Variants in CFAP99 observed in about 807,000 individuals in gnomAD.
The protein encoded by CFAP99 is cilia- and flagella-associated protein 99.
CFAP99 carries 84 observed loss-of-function variants against 82.7 expected under a neutral mutation model. The observed-to-expected ratio is 1.02, with a 90% CI of 0.85 to 1.22. The LOEUF (loss-of-function observed/expected upper bound fraction) is 1.22, where lower values mean the gene tolerates loss of function less well. Among genes scored for constraint, CFAP99 ranks in the 50% most tolerant of loss-of-function variants. The probability of loss-of-function intolerance (pLI) is 0.00; values close to 1 mark genes in which losing one functional copy is unlikely to be tolerated. For synonymous variants in CFAP99, 456 were observed against 429.5 expected (o/e 1.06, Z -0.76); for missense variants, 1,059 against 983.5 (o/e 1.08, Z -1.03).
At chr4:2,438,865 C>T (rs903166498) in intron 4 of CFAP99, among the ~76,000 whole-genome samples, 9 of 152,188 alleles carry the variant, frequency 5.9e-5, no homozygotes, top group East Asian at 3.8e-4. Context: ...AATCCGATTC[C>T]GCTCCTGGGG....
intron 2 of CFAP99, among the ~76,000 whole-genome samples, chr4:2,433,271 C>A (rs1235872520): frequency 6.6e-6 from 1 of 152,230 alleles, no homozygotes; most frequent in East Asian, 1.9e-4. Flanking sequence ...TGATGAGAAG[C>A]GGAGTCGCCG....
At position 2,459,096 on chromosome 4, in the gene CFAP99, TG is replaced by T. The variant is rs1328275582; in HGVS notation, c.1304-9del. The T allele has an allele frequency of 1.3e-6, 2 of 1,503,198 alleles. No individual in the cohort carries two copies. 93.1% of individuals were successfully genotyped at this position (1,503,198 alleles called of 1,614,324 possible). On this transcript the variant is annotated splice_polypyrimidine_tract_variant and intron_variant, in intron 12 of 14. Coordinates refer to ENST00000635017, the Ensembl canonical transcript of CFAP99. Reference sequence around the variant, plus strand: ...CCACCAGCCACCTCAGCTCCTGGCTTGGCCCCCAAGTTCAGGAGGCGATCGA... The same window carrying T: ...CCACCAGCCACCTCAGCTCCTGGCTTGCCCCCAAGTTCAGGAGGCGATCGA...
At chr4:2,438,625 C>T (rs889233484) in intron 4 of CFAP99, among the ~76,000 whole-genome samples, 1 of 152,100 alleles carries the variant, frequency 6.6e-6, no homozygotes, top group East Asian at 1.9e-4. Context: ...AAGTAGCAAG[C>T]TGGGCATGGT....
exon 13 of CFAP99, chr4:2,459,190 C>G: frequency 6.5e-7 from 1 of 1,535,710 alleles, no homozygotes; most frequent in South Asian, 1.2e-5. Flanking sequence ...CCGTTGTGAA[C>G]TCATCTCCCA....
At chr4:2,451,110 T>G (rs1734289591) in intron 9 of CFAP99, 92 bp downstream of exon 9, 2 of 1,455,120 alleles carry the variant, frequency 1.4e-6, no homozygotes, top group Non-Finnish European at 1.9e-6. Flanking sequence ...TGACCTGAGC[T>G]GGGGGACCTA....
In CFAP99 at chr4:2,437,020, T is replaced by G. The variant is rs1578469695; in HGVS notation, c.256+2T>G. ...GGGTTGACCACAGCCGCTTCGAGGG[T>G]AGGTGCCTGGCTGGTCCCCAGGGCC... On this transcript the variant is annotated splice_donor_variant, in intron 3 of 14. Coordinates refer to ENST00000635017, the Ensembl canonical transcript of CFAP99. LOFTEE classifies it high-confidence loss of function. The G allele has an allele frequency of 6.5e-7, 1 of 1,535,896 alleles. No individual in the cohort carries two copies. The highest frequency in any genetic ancestry group is 8.7e-7 in the Non-Finnish European group (1 of 1,146,790).
chr4:2,431,775 G>C (rs955052749), intron 2 of CFAP99, among the ~76,000 whole-genome samples: 1 of 151,776 alleles, frequency 6.6e-6, no homozygotes. Context: ...CCCTCACCTA[G>C]GTTGCAGTAC....
intron 11 of CFAP99, among the ~76,000 whole-genome samples, chr4:2,455,166 C>T (rs1011313901): frequency 1.3e-5 from 2 of 152,264 alleles, no homozygotes; most frequent in South Asian, 4.1e-4. Context: ...TCCCAAAATA[C>T]TGGGATTACG....
chr4:2,458,776 C>T (rs1222668396), exon 12 of CFAP99: 5 of 1,535,890 alleles, frequency 3.3e-6, no homozygotes, highest in Non-Finnish European at 4.4e-6. Context: ...AGGACAGGTC[C>T]AGGAAGGAGC....
chr4:2,430,853 G>T lies in CFAP99; in HGVS notation c.111+4267G>T, dbSNP rs545513486. Reference sequence around the variant, plus strand: ...GTTGGGAGGCTGAGGTAGGAGGATTGCTTGAGGCCAGGAGTTTGAGACCAG... The same window carrying T: ...GTTGGGAGGCTGAGGTAGGAGGATTTCTTGAGGCCAGGAGTTTGAGACCAG... On this transcript the variant is annotated intron_variant, in intron 2 of 14. Transcript: ENST00000635017. Among the ~76,000 whole-genome samples, 113 of 151,636 alleles carry T rather than the reference G, an allele frequency of 7.5e-4. 2 individuals are homozygous for T. Among genetic ancestry groups the T allele is most frequent in the African/African-American group, 2.6e-3 (109 of 41,332 alleles).
rs1477809418 is a variant in CFAP99, at chr4:2,446,075, T to C, written c.642+767T>C. Reference sequence around the variant, plus strand: ...GTGGTTCTGCAACAGGACTAAGGGCTATATGGGAGGGGAAGGGGATGGTGC... The same window carrying C: ...GTGGTTCTGCAACAGGACTAAGGGCCATATGGGAGGGGAAGGGGATGGTGC... On this transcript the variant is annotated intron_variant, in intron 6 of 14. Coordinates refer to ENST00000635017, the Ensembl canonical transcript of CFAP99. The surrounding 1 kb of genome is among the most constrained non-coding windows in gnomAD (Gnocchi z 5.0). Among the ~76,000 whole-genome samples the C allele has an allele frequency of 6.6e-6, 1 of 152,202 alleles. No individual in the cohort carries two copies. The highest frequency in any genetic ancestry group is 1.5e-5 in the Non-Finnish European group (1 of 68,034).
intron 4 of CFAP99, among the ~76,000 whole-genome samples, chr4:2,440,826 C>G (rs1734020295): frequency 6.6e-6 from 1 of 151,816 alleles, no homozygotes; most frequent in Non-Finnish European, 1.5e-5. Flanking sequence ...GATCTCCTGA[C>G]CTTGTGATCC....
At chr4:2,428,278 G>A (rs529440869) in intron 2 of CFAP99, 27 of 152,392 alleles carry the variant, frequency 1.8e-4, no homozygotes, top group Non-Finnish European at 3.1e-4. Flanking sequence ...CCTGTAGCCC[G>A]GCCCCTCTGG....
In CFAP99 at chr4:2,462,374, G is replaced by A; in HGVS notation, c.1662-69G>A. The A allele has an allele frequency of 7.4e-7, 1 of 1,347,858 alleles. No individual in the cohort carries two copies. The highest frequency in any genetic ancestry group is 4.0e-5 in the Admixed American group (1 of 24,928). 83.5% of individuals were successfully genotyped at this position (1,347,858 alleles called of 1,614,324 possible). ...CCTTGCCCCCGCGTCGCTTGGACAC[G>A]GGTGGCATCCTGGGTCTGGCCTGGG... On this transcript the variant is annotated intron_variant, in intron 14 of 14. Coordinates refer to ENST00000635017, the Ensembl canonical transcript of CFAP99. This position sits in a 1 kb window ranked among gnomAD's most constrained non-coding sequence, Gnocchi z 4.1.
At chr4:2,440,436 G>C (rs1237754005) in intron 4 of CFAP99, among the ~76,000 whole-genome samples, 1 of 149,828 alleles carries the variant, frequency 6.7e-6, no homozygotes, top group Non-Finnish European at 1.5e-5. Context: ...GTGAGCCACC[G>C]CGCCCGGCCG....
At chr4:2,426,314 C>A (rs550262343) in intron 1 of CFAP99, 145 bp from the exon 2 acceptor site, 90,923 of 627,200 alleles carry the variant, frequency 0.14, 7,332 homozygotes, top group African/African-American at 0.24. Flanking sequence ...GCTGTAGGCC[C>A]GGCACCCTAG....
intron 12 of CFAP99, 67 bp downstream of exon 12, chr4:2,458,931 C>G: frequency 4.0e-6 from 6 of 1,488,926 alleles, no homozygotes; most frequent in Non-Finnish European, 5.3e-6. Context: ...GGCTGCCACC[C>G]TTTCCTGAGT....
At position 2,456,180 on chromosome 4, in the gene CFAP99, C is replaced by A. The variant is rs1446633838; in HGVS notation, c.1162-2543C>A. On this transcript the variant is annotated intron_variant, in intron 11 of 14. Transcript: ENST00000635017. The stretch of plus-strand genomic sequence containing the variant: ...CTTTTCTGTTTTTTTCAACAGTTAC[C>A]AGGTTTTTTTTGTTTTGTTTTATTT... Among the ~76,000 whole-genome samples, 3 of 151,880 alleles carry A rather than the reference C, an allele frequency of 2.0e-5. No homozygotes were observed. The East Asian group carries it at 5.8e-4, about 29-fold the overall frequency.
rs1419170711 is a variant in CFAP99 at position 2,449,719 on chromosome 4, C to T, written c.692C>T (p.Thr231Ile). 3 of 1,535,986 alleles carry T rather than the reference C, an allele frequency of 2.0e-6. No homozygotes were observed. The East Asian group carries it at 7.3e-5, about 38-fold the overall frequency. ...CCCAAGGAGCAGCAGCAGCTGGAGA[C>T]AGTCAAGAGGTACAACCGCCGAAAG... Residue 231 changes from threonine to isoleucine, a missense_variant, in exon 7 of 15, where the codon ACA becomes ATA. Thr to Ile is a moderately conservative substitution (Grantham distance 89, BLOSUM62 -1). Transcript: ENST00000635017.
Sources: gnomAD v4.1 joint callset for allele counts (sites outside exome capture counted in the v4.1 genomes callset) on GRCh38, gnomAD v4.1.1 for gene constraint, Gnocchi (gnomAD v3.1) non-coding constraint, MANE v1.5 for transcripts, NCBI Gene and HGNC (gene_info 2026-07-23, HGNC 2026-07-21) for gene names.